OR1B1: variants seen among roughly 807,000 people sequenced by gnomAD.
OR1B1 encodes the protein olfactory receptor 1B1.
For synonymous variants in OR1B1, 168 were observed against 156.2 expected (o/e 1.08, Z -0.57); for missense variants, 414 against 402.1 (o/e 1.03, Z -0.25).
chr9:122,628,413 T>A (rs1167757723), downstream of OR1B1, among the ~76,000 whole-genome samples: 4 of 152,292 alleles, frequency 2.6e-5, no homozygotes, highest in African/African-American at 9.6e-5. Flanking sequence ...TGTCTATGAA[T>A]GTGGAATGTT....
At chr9:122,655,095 A>G in the OR1B1 span, among the ~76,000 whole-genome samples, 7 of 152,168 alleles carry the variant, frequency 4.6e-5, no homozygotes, top group Non-Finnish European at 1.0e-4. Flanking sequence ...TTTAAGAAAA[A>G]TTCTCCATCA....
At chr9:122,655,794 A>G in the OR1B1 span, among the ~76,000 whole-genome samples, 6 of 151,988 alleles carry the variant, frequency 3.9e-5, no homozygotes, top group South Asian at 4.2e-4. Flanking sequence ...ACCTTTACCT[A>G]TGTAACAAAA....
the OR1B1 span, among the ~76,000 whole-genome samples, chr9:122,638,872 G>A: frequency 6.6e-6 from 1 of 152,156 alleles, no homozygotes; most frequent in Non-Finnish European, 1.5e-5. Context: ...CAGAGCTCCG[G>A]AATAGAAGGG....
chr9:122,644,012 A>T, the OR1B1 span, among the ~76,000 whole-genome samples: 1 of 152,146 alleles, frequency 6.6e-6, no homozygotes, highest in Non-Finnish European at 1.5e-5. Flanking sequence ...GCTTCAGAGG[A>T]GACCCAGCAC....
chr9:122,635,237 A>G, the OR1B1 span, among the ~76,000 whole-genome samples: 1 of 152,188 alleles, frequency 6.6e-6, no homozygotes, highest in Non-Finnish European at 1.5e-5. Flanking sequence ...AACCTGGAGG[A>G]TATTATGTTA....
the OR1B1 span, among the ~76,000 whole-genome samples, chr9:122,652,589 GA>G: frequency 6.6e-6 from 1 of 152,056 alleles, no homozygotes; most frequent in Non-Finnish European, 1.5e-5. Context: ...TACAGGTTTA[GA>G]GTTAAATCTG....
chr9:122,629,093 G>A, exon 1 of OR1B1: 2 of 1,614,060 alleles, frequency 1.2e-6, no homozygotes, highest in Non-Finnish European at 1.7e-6. Context: ...CCAGCTCAAG[G>A]CTAGTAAGCA....
chr9:122,636,041 T>C, the OR1B1 span, among the ~76,000 whole-genome samples: 1 of 152,348 alleles, frequency 6.6e-6, no homozygotes, highest in Admixed American at 6.5e-5. Flanking sequence ...GTTTTCTCTT[T>C]CATGGAATGT....
chr9:122,647,260 G>A, the OR1B1 span, among the ~76,000 whole-genome samples: 1 of 152,030 alleles, frequency 6.6e-6, no homozygotes, highest in Non-Finnish European at 1.5e-5. Flanking sequence ...TGGCCACAAT[G>A]GAATAAAACT....
At chr9:122,629,863 C>T (rs1280829328), upstream of OR1B1, among the ~76,000 whole-genome samples, 2 of 152,104 alleles carry the variant, frequency 1.3e-5, no homozygotes, top group Non-Finnish European at 2.9e-5. Context: ...TATCTTTTTC[C>T]AGTGGCCGAC....
upstream of OR1B1, among the ~76,000 whole-genome samples, chr9:122,632,983 A>G (rs1830220426): frequency 6.6e-6 from 1 of 152,196 alleles, no homozygotes; most frequent in Non-Finnish European, 1.5e-5. Context: ...ATGGCGGCAG[A>G]CAAGAGAGCT....
At chr9:122,655,981 A>G in the OR1B1 span, among the ~76,000 whole-genome samples, 1 of 152,152 alleles carries the variant, frequency 6.6e-6, no homozygotes, top group Admixed American at 6.5e-5. Context: ...CCTGACATTT[A>G]CCAATAATAT....
the OR1B1 span, among the ~76,000 whole-genome samples, chr9:122,647,940 A>C: frequency 6.6e-6 from 1 of 152,206 alleles, no homozygotes; most frequent in East Asian, 1.9e-4. Flanking sequence ...ATATATCAAG[A>C]GTAAATATGT....
At chr9:122,628,431 C>T, downstream of OR1B1, 1 of 626,270 alleles carries the variant, frequency 1.6e-6, no homozygotes, top group Non-Finnish European at 2.9e-6. Context: ...GTTCATGGCT[C>T]CATCAAAGCA....
the OR1B1 span, among the ~76,000 whole-genome samples, chr9:122,642,762 A>G: frequency 6.6e-6 from 1 of 152,174 alleles, no homozygotes; most frequent in Admixed American, 6.5e-5. Flanking sequence ...CTATGATATA[A>G]TAAGTAAATC....
chr9:122,637,686 C>T, the OR1B1 span, among the ~76,000 whole-genome samples: 1 of 152,158 alleles, frequency 6.6e-6, no homozygotes, highest in Admixed American at 6.5e-5. Context: ...TCTTAGTTTG[C>T]AAACATTTTC....
At chr9:122,657,354 G>A in the OR1B1 span, among the ~76,000 whole-genome samples, 1 of 151,020 alleles carries the variant, frequency 6.6e-6, no homozygotes. Context: ...AGAAAGTTTC[G>A]GTAACTCACC....
the OR1B1 span, among the ~76,000 whole-genome samples, chr9:122,654,323 G>C: frequency 6.6e-6 from 1 of 152,166 alleles, no homozygotes; most frequent in Non-Finnish European, 1.5e-5. Context: ...ACAACTTGGA[G>C]AAGGTATCCA....
At chr9:122,635,181 C>T in the OR1B1 span, among the ~76,000 whole-genome samples, 1 of 152,044 alleles carries the variant, frequency 6.6e-6, no homozygotes, top group Admixed American at 6.5e-5. Flanking sequence ...ATTATTTAGC[C>T]TTTAAAAAGG....
Sources: allele counts gnomAD v4.1 joint callset (sites outside exome capture counted in the v4.1 genomes callset), GRCh38; gene constraint gnomAD v4.1.1; transcripts MANE v1.5; gene names NCBI Gene and HGNC (gene_info 2026-07-23, HGNC 2026-07-21).